PDE7B: variants seen among roughly 807,000 people sequenced by gnomAD.
The protein encoded by PDE7B is phosphodiesterase 7B.
Under a neutral mutation model 56.2 loss-of-function variants are expected in PDE7B, and 29 were observed. That is an observed-to-expected ratio of 0.52 (90% CI 0.38 to 0.70). The LOEUF (loss-of-function observed/expected upper bound fraction) is 0.70. Ranked by LOEUF, PDE7B falls within the 30% of genes least tolerant of loss-of-function variation. The pLI is 0.00. For missense variants in PDE7B, 490 were observed against 565.0 expected, an observed-to-expected ratio of 0.87 and a Z score of 1.35; for synonymous variants, 197 against 196.9, an observed-to-expected ratio of 1.00 and a Z score of 0.00.
chr6:135,996,544 A>G (rs1278274379), intron 2 of PDE7B, among the ~76,000 whole-genome samples: 5 of 152,252 alleles, frequency 3.3e-5, no homozygotes, highest in Non-Finnish European at 5.9e-5. Context: ...ATTTTTATCA[A>G]TATAGAACAA....
At chr6:135,936,362 G>A (rs1774420272) in intron 1 of PDE7B, among the ~76,000 whole-genome samples, 1 of 152,184 alleles carries the variant, frequency 6.6e-6, no homozygotes, top group Non-Finnish European at 1.5e-5. Flanking sequence ...GCTATCTGTA[G>A]GGTCTTATAA....
intron 11 of PDE7B, among the ~76,000 whole-genome samples, chr6:136,181,782 A>T (rs1779071631): frequency 6.6e-6 from 1 of 152,158 alleles, no homozygotes; most frequent in Admixed American, 6.5e-5. Context: ...AAATAATGAA[A>T]TTGGACACAG....
At chr6:136,126,459 C>T (rs1361541580) in intron 3 of PDE7B, among the ~76,000 whole-genome samples, 1 of 152,156 alleles carries the variant, frequency 6.6e-6, no homozygotes, top group Non-Finnish European at 1.5e-5. Context: ...TGGGTATCTA[C>T]CCAGAGGAAA....
chr6:136,179,729 C>T lies in PDE7B; in HGVS notation c.948+588C>T, dbSNP rs7747374. On this transcript the variant is annotated intron_variant, in intron 10 of 12. Coordinates refer to ENST00000308191, the MANE Select transcript of PDE7B (RefSeq NM_018945.4). ...ATACAAAAATTGGAAAACAAGTGAC[C>T]TCCCTTTACCTTAAACCTATTTAAC... Among the ~76,000 whole-genome samples, 379 of 152,302 alleles carry T rather than the reference C, an allele frequency of 2.5e-3. 1 individual carries two copies. The highest frequency in any genetic ancestry group is 8.3e-3 in the African/African-American group (345 of 41,548).
chr6:136,003,032 T>C (rs1186389079), intron 2 of PDE7B, among the ~76,000 whole-genome samples: 1 of 151,566 alleles, frequency 6.6e-6, no homozygotes, highest in African/African-American at 2.4e-5. Context: ...AAACTAGAAC[T>C]CAGGATTAAG....
intron 1 of PDE7B, among the ~76,000 whole-genome samples, chr6:135,933,611 G>A (rs1774331718): frequency 6.6e-6 from 1 of 152,074 alleles, no homozygotes; most frequent in Admixed American, 6.5e-5. Context: ...TTTTTGGTTT[G>A]CTAAGAATAC....
chr6:135,872,484 G>C lies in PDE7B; in HGVS notation c.21+20465G>C, dbSNP rs76775247. On this transcript the variant is annotated intron_variant, in intron 1 of 12. Coordinates refer to ENST00000308191, the MANE Select transcript of PDE7B (RefSeq NM_018945.4). ...ATATTTGAGCTTTGCAGTTTGTATA[G>C]CTTCTCCAAAGAATGCAGTATGTCA... Among the ~76,000 whole-genome samples, 1,368 of 152,194 alleles carry C rather than the reference G, an allele frequency of 9.0e-3. 21 individuals are homozygous for C. The highest frequency in any genetic ancestry group is 0.032 in the African/African-American group (1,309 of 41,510).
At chr6:135,942,634 C>T (rs1774525168) in intron 1 of PDE7B, among the ~76,000 whole-genome samples, 1 of 152,112 alleles carries the variant, frequency 6.6e-6, no homozygotes, top group Non-Finnish European at 1.5e-5. Context: ...AATATTTCTT[C>T]AATTTCACCC....
intron 7 of PDE7B, among the ~76,000 whole-genome samples, chr6:136,154,466 C>A (rs905789107): frequency 6.6e-6 from 1 of 151,178 alleles, no homozygotes; most frequent in African/African-American, 2.4e-5. Context: ...ATCTTAGATA[C>A]CTTCAACAGT....
chr6:136,080,030 T>G (rs1160995673), intron 2 of PDE7B, among the ~76,000 whole-genome samples: 3 of 152,058 alleles, frequency 2.0e-5, no homozygotes, highest in African/African-American at 7.2e-5. Context: ...CCACCTGCAG[T>G]TCCTCTAGAT....
chr6:135,956,981 G>T (rs142531864), intron 2 of PDE7B, among the ~76,000 whole-genome samples: 95 of 152,274 alleles, frequency 6.2e-4, no homozygotes, highest in African/African-American at 2.0e-3. Flanking sequence ...GTCAGGAAGG[G>T]TTTCTTAGGA....
intron 1 of PDE7B, among the ~76,000 whole-genome samples, chr6:135,942,219 A>C (rs1774517964): frequency 6.6e-6 from 1 of 152,196 alleles, no homozygotes; most frequent in Non-Finnish European, 1.5e-5. Flanking sequence ...GTATGGTGAA[A>C]GTGATGATAA....
intron 2 of PDE7B, among the ~76,000 whole-genome samples, chr6:136,080,362 T>A (rs1777187380): frequency 6.6e-6 from 1 of 152,092 alleles, no homozygotes; most frequent in Admixed American, 6.5e-5. Flanking sequence ...ATTCTCACAA[T>A]TTCTTATTCT....
At chr6:136,058,827 C>T (rs992213054) in intron 2 of PDE7B, among the ~76,000 whole-genome samples, 1 of 152,046 alleles carries the variant, frequency 6.6e-6, no homozygotes, top group East Asian at 1.9e-4. Context: ...CTACTAGAAC[C>T]AAAGTCATTT....
At chr6:136,191,013 CTTTTTTTTTTTT>C (rs752187218) in intron 12 of PDE7B, among the ~76,000 whole-genome samples, 1 of 99,304 alleles carries the variant, frequency 1.0e-5, no homozygotes, top group Middle Eastern at 5.2e-3. Context: ...CCAGCATACA[CTTTTTTTTTTTT>C]TTTTTTTTTT....
intron 1 of PDE7B, among the ~76,000 whole-genome samples, chr6:135,910,989 T>C (rs1425344114): frequency 2.6e-5 from 4 of 152,098 alleles, no homozygotes; most frequent in African/African-American, 9.7e-5. Context: ...AAAAAACAGA[T>C]TGGTGGGGCA....
intron 2 of PDE7B, among the ~76,000 whole-genome samples, chr6:135,985,603 C>T (rs1403723074): frequency 6.6e-6 from 1 of 152,222 alleles, no homozygotes; most frequent in African/African-American, 2.4e-5. Context: ...TTCCTGTCAT[C>T]TAGCCACATT....
intron 3 of PDE7B, among the ~76,000 whole-genome samples, chr6:136,118,262 T>C (rs1777872946): frequency 6.6e-6 from 1 of 152,152 alleles, no homozygotes; most frequent in African/African-American, 2.4e-5. Flanking sequence ...AGGAGTGAAC[T>C]CATCATTCTC....
intron 2 of PDE7B, among the ~76,000 whole-genome samples, chr6:136,105,313 A>T (rs940418055): frequency 2.0e-5 from 3 of 152,252 alleles, no homozygotes; most frequent in Admixed American, 2.0e-4. Flanking sequence ...GAAAAAGTTA[A>T]TGCTGACCTG....
Sources: allele counts gnomAD v4.1 joint callset (sites outside exome capture counted in the v4.1 genomes callset), GRCh38; gene constraint gnomAD v4.1.1; transcripts MANE v1.5; gene names NCBI Gene and HGNC (gene_info 2026-07-23, HGNC 2026-07-21).